The following KIF26B variants were observed in gnomAD, a reference collection of about 807,000 sequenced individuals.
KIF26B encodes the protein kinesin family member 26B.
A neutral mutation model predicts 151.2 loss-of-function variants in KIF26B; 63 were observed. The observed-to-expected ratio is 0.42, with a 90% CI of 0.34 to 0.51. The LOEUF (loss-of-function observed/expected upper bound fraction) is 0.51, where lower values mean the gene tolerates loss of function less well. Ranked by LOEUF, KIF26B falls within the 20% of genes least tolerant of loss-of-function variation. The pLI, the probability that KIF26B is intolerant of heterozygous loss-of-function variation, is 0.07. For synonymous variants in KIF26B, 1,357 were observed against 1,262.1 expected (o/e 1.08, Z -1.59); for missense variants, 2,813 against 2,913.6 (o/e 0.97, Z 0.79).
chr1:245,404,165 G>A (rs1674077323), intron 3 of KIF26B, among the ~76,000 whole-genome samples: 1 of 151,834 alleles, frequency 6.6e-6, no homozygotes, highest in Admixed American at 6.6e-5. Context: ...CTCTCAAAAG[G>A]TTGTTAAGAG....
chr1:245,485,156 C>T (rs545536793), intron 4 of KIF26B, among the ~76,000 whole-genome samples: 1 of 152,158 alleles, frequency 6.6e-6, no homozygotes, highest in South Asian at 2.1e-4. Context: ...AATAGGGGAC[C>T]TAGAATAGGC....
At position 245,628,299 on chromosome 1, in the gene KIF26B, TG is replaced by T. The variant is rs535176782; in HGVS notation, c.2098+16325del. Among the ~76,000 whole-genome samples, 8 of 152,252 alleles carry T rather than the reference TG, an allele frequency of 5.3e-5. No homozygotes were observed. In the East Asian group the frequency reaches 1.5e-3, roughly 29 times the overall value. Reference sequence around the variant, plus strand: ...GGAGTTCGAGACCAGCCTGCCAACATGGCAAAACCCTGTCTCTACTAAAATT... The same window carrying T: ...GGAGTTCGAGACCAGCCTGCCAACATGCAAAACCCTGTCTCTACTAAAATT... On this transcript the variant is annotated intron_variant, in intron 9 of 14. Coordinates refer to ENST00000407071, the MANE Select transcript of KIF26B (RefSeq NM_018012.4).
intron 2 of KIF26B, among the ~76,000 whole-genome samples, chr1:245,163,985 C>T (rs1573681454): frequency 6.6e-6 from 1 of 152,158 alleles, no homozygotes; most frequent in African/African-American, 2.4e-5. Context: ...AGTGTTTTCT[C>T]TTTTTTGTTA....
At chr1:245,379,650 T>C (rs1352220036) in intron 3 of KIF26B, among the ~76,000 whole-genome samples, 2 of 152,054 alleles carry the variant, frequency 1.3e-5, no homozygotes, top group African/African-American at 2.4e-5. Flanking sequence ...TATTATATAA[T>C]TTGCAAGTTT....
intron 3 of KIF26B, among the ~76,000 whole-genome samples, chr1:245,416,559 A>T (rs1450136836): frequency 2.0e-5 from 3 of 152,102 alleles, no homozygotes; most frequent in Non-Finnish European, 4.4e-5. Context: ...TAAATGCATG[A>T]TATGAACCGA....
At chr1:245,232,829 C>T (rs1000327677) in intron 2 of KIF26B, among the ~76,000 whole-genome samples, 2 of 152,212 alleles carry the variant, frequency 1.3e-5, no homozygotes, top group African/African-American at 4.8e-5. Flanking sequence ...GGATTAGAGG[C>T]ATGAGCCATC....
intron 3 of KIF26B, among the ~76,000 whole-genome samples, chr1:245,405,735 T>C (rs1163426731): frequency 2.0e-5 from 3 of 152,170 alleles, no homozygotes; most frequent in Non-Finnish European, 4.4e-5. Context: ...TGTGTCTTCA[T>C]GTTTCCACAT....
intron 2 of KIF26B, chr1:245,226,286 C>A (rs777526574): frequency 8.5e-5 from 13 of 152,238 alleles, no homozygotes; most frequent in Non-Finnish European, 1.5e-4. Context: ...GCCTGTGGAT[C>A]AGCTGGCCTT....
At chr1:245,209,000 T>C (rs1395376705) in intron 2 of KIF26B, among the ~76,000 whole-genome samples, 1 of 152,236 alleles carries the variant, frequency 6.6e-6, no homozygotes, top group Non-Finnish European at 1.5e-5. Flanking sequence ...TTAGATGCCA[T>C]TGCTATTTAG....
chr1:245,177,535 G>A (rs1668831229), intron 2 of KIF26B, among the ~76,000 whole-genome samples: 2 of 152,178 alleles, frequency 1.3e-5, no homozygotes, highest in African/African-American at 4.8e-5. Flanking sequence ...CAGAGGGCAG[G>A]AGAGGTGACT....
At chr1:245,190,881 G>A (rs1253148240) in intron 2 of KIF26B, among the ~76,000 whole-genome samples, 3 of 150,846 alleles carry the variant, frequency 2.0e-5, no homozygotes, top group Non-Finnish European at 3.0e-5. Context: ...CCAAGATGGT[G>A]AAACACCATC....
intron 14 of KIF26B, among the ~76,000 whole-genome samples, chr1:245,701,612 A>G (rs2044773261): frequency 6.6e-6 from 1 of 152,138 alleles, no homozygotes; most frequent in South Asian, 2.1e-4. Context: ...TCGTTTTCAA[A>G]TCAAGTTCGT....
At chr1:245,467,900 G>A (rs533096400) in intron 4 of KIF26B, among the ~76,000 whole-genome samples, 1 of 152,070 alleles carries the variant, frequency 6.6e-6, no homozygotes, top group South Asian at 2.1e-4. Flanking sequence ...AAAAAAGTGG[G>A]GGTTGGGGGG....
intron 4 of KIF26B, among the ~76,000 whole-genome samples, chr1:245,513,427 G>C (rs1256860024): frequency 1.3e-5 from 2 of 152,192 alleles, no homozygotes; most frequent in Admixed American, 6.5e-5. Flanking sequence ...CAGCGAGAGA[G>C]ACAGGTGGGT....
intron 5 of KIF26B, among the ~76,000 whole-genome samples, chr1:245,586,096 A>C (rs2043220756): frequency 6.6e-6 from 1 of 151,948 alleles, no homozygotes; most frequent in Admixed American, 6.6e-5. Flanking sequence ...TTCTAGGTTC[A>C]AGTGCTCCTC....
At position 245,686,323 on chromosome 1, in the gene KIF26B, G is replaced by T. The variant is rs749514492; in HGVS notation, c.3340G>T (p.Ala1114Ser). 4 of 1,613,192 alleles carry T rather than the reference G, an allele frequency of 2.5e-6. No homozygotes were observed. Among genetic ancestry groups the T allele is most frequent in the Non-Finnish European group, 3.4e-6 (4 of 1,179,858 alleles). Residue 1114 changes from alanine (A) to serine (S), a missense_variant, in exon 12 of 15, where the codon GCG becomes TCG. By Grantham distance (99) the Ala-to-Ser change is moderately conservative. Coordinates refer to ENST00000407071, the MANE Select transcript of KIF26B (RefSeq NM_018012.4). The surrounding 1 kb of genome is among the most constrained non-coding windows in gnomAD (Gnocchi z 5.6). ...LPPSSKDSGV[A>S]SRESLLQPEV... ...TCCCTCGAGCAAGGATTCCGGCGTG[G>T]CGTCTAGGGAGTCCTTGCTGCAGCC...
chr1:245,589,551 C>G (rs1310341772), intron 5 of KIF26B, among the ~76,000 whole-genome samples: 1 of 152,178 alleles, frequency 6.6e-6, no homozygotes, highest in South Asian at 2.1e-4. Context: ...GGAGCCAGCA[C>G]AGACCGTTTT....
intron 10 of KIF26B, among the ~76,000 whole-genome samples, chr1:245,656,770 T>C (rs182413488): frequency 3.5e-4 from 53 of 152,354 alleles, no homozygotes; most frequent in African/African-American, 1.3e-3. Context: ...GTTTCACAAC[T>C]GGTTCAGGCC....
intron 2 of KIF26B, among the ~76,000 whole-genome samples, chr1:245,220,905 G>A (rs1373246143): frequency 6.6e-6 from 1 of 152,046 alleles, no homozygotes; most frequent in Non-Finnish European, 1.5e-5. Flanking sequence ...AGTTTTATCT[G>A]CAGGATGCTC....
Sources: gnomAD v4.1 joint callset for allele counts (sites outside exome capture counted in the v4.1 genomes callset) on GRCh38, gnomAD v4.1.1 for gene constraint, Gnocchi (gnomAD v3.1) non-coding constraint, MANE v1.5 for transcripts, NCBI Gene and HGNC (gene_info 2026-07-23, HGNC 2026-07-21) for gene names.